ATP9A: variants seen among roughly 807,000 people sequenced by gnomAD.
The protein encoded by ATP9A is ATPase phospholipid transporting 9A, also known as probable phospholipid-transporting ATPase IIA.
A neutral mutation model predicts 144.1 loss-of-function variants in ATP9A; 52 were observed. The ratio of observed to expected loss-of-function variants is 0.36; its 90% CI spans 0.29 to 0.45. The LOEUF (loss-of-function observed/expected upper bound fraction) is 0.45. Ranked by LOEUF, ATP9A falls within the 20% of genes least tolerant of loss-of-function variation. The pLI, the probability that ATP9A is intolerant of heterozygous loss-of-function variation, is 1.00. For synonymous variants in ATP9A, 582 were observed against 557.4 expected, an observed-to-expected ratio of 1.04 and a Z score of -0.62; for missense variants, 947 against 1,392.7, an observed-to-expected ratio of 0.68 and a Z score of 5.09.
chr20:51,698,503 G>A (rs1295527719), intron 4 of ATP9A, among the ~76,000 whole-genome samples: 1 of 152,200 alleles, frequency 6.6e-6, no homozygotes, highest in Non-Finnish European at 1.5e-5. Context: ...CTGGGCAACA[G>A]TGAGACCCTG....
intron 25 of ATP9A, among the ~76,000 whole-genome samples, chr20:51,608,115 A>G (rs2122708609): frequency 6.6e-6 from 1 of 152,152 alleles, no homozygotes; most frequent in Non-Finnish European, 1.5e-5. Flanking sequence ...TGGGTAAAAA[A>G]CCCTGAAGAC....
intron 1 of ATP9A, among the ~76,000 whole-genome samples, chr20:51,768,042 C>A (rs1338521924): frequency 6.6e-6 from 1 of 152,066 alleles, no homozygotes; most frequent in African/African-American, 2.4e-5. Flanking sequence ...GGCCCGGCTT[C>A]TCGGGGTTTC....
chr20:51,646,110 C>T (rs2077341318), intron 14 of ATP9A, among the ~76,000 whole-genome samples: 1 of 152,162 alleles, frequency 6.6e-6, no homozygotes, highest in Non-Finnish European at 1.5e-5. Context: ...TGACAAGAAA[C>T]CAAAGGGGCA....
intron 13 of ATP9A, among the ~76,000 whole-genome samples, chr20:51,658,644 C>A (rs1029439915): frequency 2.6e-5 from 4 of 151,368 alleles, no homozygotes; most frequent in Admixed American, 1.3e-4. Flanking sequence ...CTCAGCCTCC[C>A]GAGTAGCTGG....
chr20:51,704,223 G>A (rs1430432724), intron 4 of ATP9A, among the ~76,000 whole-genome samples: 1 of 146,316 alleles, frequency 6.8e-6, no homozygotes, highest in African/African-American at 2.5e-5. Context: ...AATGTAACAA[G>A]TTTATACCCA....
chr20:51,668,296 A>G (rs1047475239), intron 13 of ATP9A, among the ~76,000 whole-genome samples: 38 of 151,760 alleles, frequency 2.5e-4, no homozygotes, highest in Non-Finnish European at 4.6e-4. Context: ...CGTGGTGTGC[A>G]CTAAGACAAG....
chr20:51,660,840 C>T (rs2426356), intron 13 of ATP9A, among the ~76,000 whole-genome samples: 74,717 of 151,978 alleles, frequency 0.49, 19,083 homozygotes, highest in East Asian at 0.79. Flanking sequence ...CTTTAACCTA[C>T]ACACATTTCT....
chr20:51,651,766 T>C (rs1266706632), intron 14 of ATP9A, among the ~76,000 whole-genome samples: 2 of 151,830 alleles, frequency 1.3e-5, no homozygotes, highest in Admixed American at 6.6e-5. Context: ...CTGTCTCTAC[T>C]AAAAATATAA....
At chr20:51,733,333 G>A (rs2077749933) in intron 1 of ATP9A, among the ~76,000 whole-genome samples, 1 of 151,858 alleles carries the variant, frequency 6.6e-6, no homozygotes, top group Non-Finnish European at 1.5e-5. Context: ...AGTCCAAGAT[G>A]GAGACACCAA....
At chr20:51,616,771 T>C (rs140008230) in intron 22 of ATP9A, among the ~76,000 whole-genome samples, 388 of 152,214 alleles carry the variant, frequency 2.5e-3, no homozygotes, top group African/African-American at 6.7e-3. Context: ...CACCAACTTT[T>C]AAAAATTATA....
chr20:51,694,579 C>T (rs1359214478), intron 6 of ATP9A, among the ~76,000 whole-genome samples: 1 of 152,088 alleles, frequency 6.6e-6, no homozygotes. Context: ...TCAGTTTCCT[C>T]GTGTGTAAAA....
intron 4 of ATP9A, among the ~76,000 whole-genome samples, chr20:51,699,352 AAAG>A (rs1483505484): frequency 1.3e-5 from 2 of 151,592 alleles, no homozygotes; most frequent in African/African-American, 2.4e-5. Context: ...AAAAAAAAAA[AAAG>A]AACTTAAAGA....
At chr20:51,607,623 G>C (rs567449180) in intron 25 of ATP9A, 39 bp from the exon 26 acceptor site, 4 of 1,519,774 alleles carry the variant, frequency 2.6e-6, no homozygotes, top group Non-Finnish European at 3.6e-6. Flanking sequence ...CCGGTTTCGC[G>C]GGGGGCTCAC....
At chr20:51,613,315 G>A (rs377477395) in intron 23 of ATP9A, among the ~76,000 whole-genome samples, 4 of 152,068 alleles carry the variant, frequency 2.6e-5, no homozygotes, top group South Asian at 2.1e-4. Flanking sequence ...TTATAACAAC[G>A]TACCCACAAT....
At chr20:51,737,088 G>A (rs1425279236) in intron 1 of ATP9A, among the ~76,000 whole-genome samples, 3 of 152,072 alleles carry the variant, frequency 2.0e-5, no homozygotes, top group South Asian at 2.1e-4. Context: ...TGCTACATCC[G>A]CTCTCTCTCC....
chr20:51,728,541 T>C (rs1465990139), intron 2 of ATP9A, among the ~76,000 whole-genome samples: 8 of 151,324 alleles, frequency 5.3e-5, no homozygotes, highest in East Asian at 3.9e-4. Context: ...GGCAGGAGAA[T>C]TGCTTGAACC....
At chr20:51,698,408 G>A (rs532628861) in intron 4 of ATP9A, among the ~76,000 whole-genome samples, 13 of 152,216 alleles carry the variant, frequency 8.5e-5, no homozygotes, top group East Asian at 5.8e-4. Context: ...CTATAGTCCC[G>A]GCTATTCGAG....
rs1159903304 is a variant in ATP9A, at chr20:51,721,800, C to CAA, written c.327+4017_327+4018dup. ...TGGGTGACAGAGCAAGACTCCATCT[C>CAA]AAAAAAAAAAAAAAAGAAAAAGAAA... is the stretch of plus-strand genomic sequence containing the variant. On this transcript the variant is annotated intron_variant, in intron 3 of 27. Transcript: ENST00000338821. 1.6e-3 allele frequency among the ~76,000 whole-genome samples: 137 copies of CAA among 86,808 alleles called. 3 individuals carry two copies. Among genetic ancestry groups the CAA allele is most frequent in the Non-Finnish European group, 2.1e-3 (94 of 44,242 alleles). The allele number at this position is 86,808 out of a possible 152,430, so 56.9% of individuals were successfully genotyped here. A position where few individuals can be genotyped will look rare whatever the true frequency, so the allele number is the denominator to read the frequency against.
At chr20:51,656,902 G>C (rs543772322) in intron 14 of ATP9A, 36 bp downstream of exon 14, 6 of 1,583,428 alleles carry the variant, frequency 3.8e-6, no homozygotes, top group African/African-American at 1.3e-5. Context: ...AACAAGCAGG[G>C]CCTCCCCATG....
Sources: gnomAD v4.1 joint callset for allele counts (sites outside exome capture counted in the v4.1 genomes callset) on GRCh38, gnomAD v4.1.1 for gene constraint, MANE v1.5 for transcripts, NCBI Gene and HGNC (gene_info 2026-07-23, HGNC 2026-07-21) for gene names.